NBPF15: variants seen among roughly 807,000 people sequenced by gnomAD.
The protein encoded by NBPF15 is NBPF family member NBPF15.
A neutral mutation model predicts 62.2 loss-of-function variants in NBPF15; 74 were observed. The observed-to-expected ratio is 1.19, with a 90% CI of 0.99 to 1.44. The LOEUF (loss-of-function observed/expected upper bound fraction) is 1.44. Ranked by LOEUF, NBPF15 falls within the 40% of genes most tolerant of loss-of-function variation. The pLI, the probability that NBPF15 is intolerant of heterozygous loss-of-function variation, is 0.00. For synonymous variants in NBPF15, 244 were observed against 209.7 expected, an observed-to-expected ratio of 1.16 and a Z score of -1.41; for missense variants, 790 against 550.0, an observed-to-expected ratio of 1.44 and a Z score of -4.36.
intron 13 of NBPF15, among the ~76,000 whole-genome samples, chr1:144,430,824 T>A (rs1383078380): frequency 6.9e-6 from 1 of 145,166 alleles, no homozygotes; most frequent in Non-Finnish European, 1.5e-5. Flanking sequence ...GCTAAAAACC[T>A]TGAAAAAAGA....
chr1:144,423,566 C>T (rs1667327623), intron 21 of NBPF15, among the ~76,000 whole-genome samples: 1 of 151,924 alleles, frequency 6.6e-6, no homozygotes, highest in East Asian at 1.9e-4. Flanking sequence ...TCATGACACA[C>T]AGCAAACTGT....
rs1553543187 is a variant in NBPF15, at chr1:144,443,033, G to A, written c.-190-2738C>T. ...CCTCCTTTGTTCCTTCCACTCCACCGCTCCCCATAGCTTTGCCCGCCTTTC... is the reference window on the plus strand; with the variant it reads ...CCTCCTTTGTTCCTTCCACTCCACCACTCCCCATAGCTTTGCCCGCCTTTC... On this transcript the variant is annotated intron_variant, in intron 6 of 21. Coordinates refer to ENST00000581897, the MANE Select transcript of NBPF15 (RefSeq NM_001385408.1). 3.0e-3 allele frequency: 533 copies of A among 179,634 alleles called. 8 individuals are homozygous for A. The South Asian group carries it at 0.038, about 13-fold the overall frequency. 11.1% of individuals were successfully genotyped at this position (179,634 alleles called of 1,614,324 possible). A position where few individuals can be genotyped will look rare whatever the true frequency, so the allele number is the denominator to read the frequency against.
chr1:144,434,789 G>T (rs1553540722), intron 12 of NBPF15, among the ~76,000 whole-genome samples: 2 of 151,918 alleles, frequency 1.3e-5, no homozygotes, highest in African/African-American at 2.4e-5. Context: ...CATGGGCATT[G>T]TTCAGGGACA....
At chr1:144,451,403 G>A (rs1416638663) in intron 4 of NBPF15, among the ~76,000 whole-genome samples, 5 of 150,984 alleles carry the variant, frequency 3.3e-5, no homozygotes, top group Non-Finnish European at 7.4e-5. Context: ...CTGCAAAGAG[G>A]CCTTCCTTCC....
intron 10 of NBPF15, among the ~76,000 whole-genome samples, chr1:144,436,405 TTCATC>T (rs1198251637): frequency 6.6e-6 from 1 of 151,760 alleles, no homozygotes; most frequent in African/African-American, 2.4e-5. Context: ...GGTGAGGGCC[TTCATC>T]TCATTTTGGA....
intron 21 of NBPF15, among the ~76,000 whole-genome samples, chr1:144,423,468 A>C (rs1553538671): frequency 6.6e-6 from 1 of 151,654 alleles, no homozygotes; most frequent in East Asian, 2.0e-4. Context: ...AGAGAGAGAC[A>C]GAGACAGAGA....
chr1:144,459,646 A>C (rs587687523), intron 2 of NBPF15, among the ~76,000 whole-genome samples, 163 bp from the exon 3 acceptor site: 1 of 152,082 alleles, frequency 6.6e-6, no homozygotes, highest in African/African-American at 2.4e-5. Context: ...TCAACAGAAA[A>C]ACAAGCATAT....
At chr1:144,455,379 C>A (rs781843354) in intron 4 of NBPF15, among the ~76,000 whole-genome samples, 3 of 152,040 alleles carry the variant, frequency 2.0e-5, no homozygotes, top group Non-Finnish European at 4.4e-5. Flanking sequence ...TTAACAGGAA[C>A]ACGCTAACTA....
At position 144,439,803 on chromosome 1, in the gene NBPF15, C is replaced by T. The variant is rs1168589204; in HGVS notation, c.175+26G>A. 915 of 1,565,124 alleles carry T rather than the reference C, an allele frequency of 5.8e-4. 9 individuals are homozygous for T. In the African/African-American group the frequency reaches 0.01, roughly 17 times the overall value. ...AAGACAGGACATCATTCATCACTTT[C>T]ATGACGGTGAGCCTATAGATCTTAC... On this transcript the variant is annotated intron_variant, in intron 8 of 21. Coordinates refer to ENST00000581897, the MANE Select transcript of NBPF15 (RefSeq NM_001385408.1).
chr1:144,439,946 T>A lies in NBPF15; in HGVS notation c.58A>T (p.Ile20Phe). Reference sequence around the variant, plus strand: ...AACTGGGGGCGCAATTTCTCATTGATTTCTAGAATGTTCATCTCTGCCTTC... The same window carrying A: ...AACTGGGGGCGCAATTTCTCATTGAATTCTAGAATGTTCATCTCTGCCTTC... Reference protein sequence around the residue: ...SEKAEMNILEINEKLRPQLAE... With the variant: ...SEKAEMNILEFNEKLRPQLAE... The change falls in exon 8 of 22, where the codon ATC becomes TTC. Residue 20 changes from isoleucine to phenylalanine, a missense_variant. By Grantham distance (21) the Ile-to-Phe change is conservative (BLOSUM62 0). Coordinates refer to ENST00000581897, the MANE Select transcript of NBPF15 (RefSeq NM_001385408.1). 1.2e-6 allele frequency: 2 copies of A among 1,611,162 alleles called. No individual in the cohort carries two copies. The highest frequency in any genetic ancestry group is 2.2e-5 in the South Asian group (2 of 90,956).
intron 9 of NBPF15, among the ~76,000 whole-genome samples, 175 bp downstream of exon 9, chr1:144,437,766 CCCAT>C (rs1679611906): frequency 6.6e-6 from 1 of 151,914 alleles, no homozygotes; most frequent in Non-Finnish European, 1.5e-5. Flanking sequence ...ACAACTGCAA[CCCAT>C]ACATTTTTAT....
Position 144,460,874 on chromosome 1 carries a change from C to T in NBPF15, c.-850G>A, listed in dbSNP as rs1348289259. On this transcript the variant is annotated 5_prime_UTR_variant, in exon 2 of 22. Transcript: ENST00000581897. ...TCCTGCGGTGAATTAGAGGCCTGCC[C>T]CGCTAGTCATGAGGTGATTCAGTGA... The T allele has an allele frequency of 2.6e-5, 4 of 151,452 alleles. No homozygotes were observed. Among genetic ancestry groups the T allele is most frequent in the Non-Finnish European group, 4.4e-5 (3 of 67,902 alleles). The allele number at this position is 151,452 out of a possible 1,614,324, so 9.4% of individuals were successfully genotyped here.
At chr1:144,454,937 C>A (rs1432625198) in intron 4 of NBPF15, among the ~76,000 whole-genome samples, 3 of 151,156 alleles carry the variant, frequency 2.0e-5, no homozygotes, top group African/African-American at 7.3e-5. Context: ...ACAGAAGCAG[C>A]TCCAGAGGTT....
intron 16 of NBPF15, among the ~76,000 whole-genome samples, chr1:144,427,475 T>A (rs1239750426): frequency 2.7e-5 from 4 of 150,358 alleles, no homozygotes; most frequent in Non-Finnish European, 5.9e-5. Context: ...GCAAGGATTT[T>A]AGACGCTGAA....
intron 6 of NBPF15, among the ~76,000 whole-genome samples, chr1:144,448,512 A>T (rs1459617540): frequency 2.6e-5 from 4 of 152,106 alleles, no homozygotes; most frequent in Middle Eastern, 3.2e-3. Flanking sequence ...TATCATCTTA[A>T]AAAGGAAACA....
chr1:144,432,148 G>A (rs1246816122), intron 13 of NBPF15, among the ~76,000 whole-genome samples: 1 of 151,782 alleles, frequency 6.6e-6, no homozygotes, highest in Non-Finnish European at 1.5e-5. Flanking sequence ...ATCCTCTCCA[G>A]CATCTTCAAC....
chr1:144,457,204 T>A (rs1391159075), intron 3 of NBPF15, among the ~76,000 whole-genome samples: 8 of 152,018 alleles, frequency 5.3e-5, no homozygotes, highest in Admixed American at 1.3e-4. Context: ...CCAGGGAAGT[T>A]TTCACAAAGT....
intron 4 of NBPF15, among the ~76,000 whole-genome samples, chr1:144,453,545 T>G (rs1293355875): frequency 1.4e-5 from 2 of 146,160 alleles, no homozygotes; most frequent in Admixed American, 1.4e-4. Flanking sequence ...AAAAAGCAAG[T>G]CACAGACTGG....
chr1:144,431,881 C>A (rs1167241327), intron 13 of NBPF15, among the ~76,000 whole-genome samples: 2 of 144,786 alleles, frequency 1.4e-5, no homozygotes, highest in Non-Finnish European at 3.0e-5. Flanking sequence ...TTTTCTTAAT[C>A]CAGTCTATCA....
Sources: gnomAD v4.1 joint callset for allele counts (sites outside exome capture counted in the v4.1 genomes callset) on GRCh38, gnomAD v4.1.1 for gene constraint, MANE v1.5 for transcripts, NCBI Gene and HGNC (gene_info 2026-07-23, HGNC 2026-07-21) for gene names.